RBPJ: variants seen among roughly 807,000 people sequenced by gnomAD.
RBPJ encodes recombining binding protein suppressor of hairless.
Under a neutral mutation model 67.8 loss-of-function variants are expected in RBPJ, and 9 were observed. The ratio of observed to expected loss-of-function variants is 0.13; its 90% CI spans 0.08 to 0.23. RBPJ has a LOEUF of 0.23. RBPJ is among the 10% of genes least tolerant of loss of function. RBPJ has a pLI of 1.00. For missense variants in RBPJ, 305 were observed against 595.6 expected, an observed-to-expected ratio of 0.51 and a Z score of 5.08; for synonymous variants, 198 against 203.3, an observed-to-expected ratio of 0.97 and a Z score of 0.22.
intron 1 of RBPJ, among the ~76,000 whole-genome samples, chr4:26,208,333 T>C (rs1029180922): frequency 6.6e-6 from 1 of 152,170 alleles, no homozygotes; most frequent in African/African-American, 2.4e-5. Context: ...ACGCAGATCA[T>C]GCAAACCTAA....
chr4:26,385,922 C>G (rs904481033), intron 1 of RBPJ, among the ~76,000 whole-genome samples: 3 of 152,034 alleles, frequency 2.0e-5, no homozygotes, highest in African/African-American at 7.2e-5. Flanking sequence ...CCCACTTCAG[C>G]CTCCTGAGTA....
At chr4:26,224,657 CCA>C (rs141178821) in intron 1 of RBPJ, among the ~76,000 whole-genome samples, 6,433 of 152,194 alleles carry the variant, frequency 0.042, 191 homozygotes, top group Admixed American at 0.096. Flanking sequence ...CGCACCCTGC[CCA>C]GAACAGAACA....
At chr4:26,242,346 G>A (rs1228079675) in intron 1 of RBPJ, among the ~76,000 whole-genome samples, 1 of 151,908 alleles carries the variant, frequency 6.6e-6, no homozygotes, top group East Asian at 1.9e-4. Context: ...TACTCGGGAG[G>A]CTGAGGCGGA....
chr4:26,320,471 G>C, upstream of RBPJ: 1 of 411,222 alleles, frequency 2.4e-6, no homozygotes, highest in Non-Finnish European at 4.4e-6. Flanking sequence ...TGCACCAAAC[G>C]CCGAGATTAG....
intron 1 of RBPJ, among the ~76,000 whole-genome samples, chr4:26,186,924 AAAATACAC>A (rs1717286089): frequency 6.6e-6 from 1 of 152,152 alleles, no homozygotes. Context: ...CCCATTTTAA[AAAATACAC>A]AAACAAGGCC....
chr4:26,200,830 G>C (rs147803074), intron 1 of RBPJ, among the ~76,000 whole-genome samples: 2 of 152,086 alleles, frequency 1.3e-5, no homozygotes, highest in Non-Finnish European at 2.9e-5. Flanking sequence ...CTTGTCTCTG[G>C]CTATCTAGTT....
At chr4:26,192,113 A>T (rs1346401510) in intron 1 of RBPJ, among the ~76,000 whole-genome samples, 1 of 151,166 alleles carries the variant, frequency 6.6e-6, no homozygotes, top group Non-Finnish European at 1.5e-5. Flanking sequence ...GGTTCAAGTG[A>T]TTCTCCTACC....
At chr4:26,420,295 GT>G (rs1560341702) in intron 4 of RBPJ, among the ~76,000 whole-genome samples, 1 of 151,926 alleles carries the variant, frequency 6.6e-6, no homozygotes. Flanking sequence ...AGAAAAGGCT[GT>G]TTTTTTAAAT....
At chr4:26,379,099 A>C (rs1560307272) in intron 1 of RBPJ, among the ~76,000 whole-genome samples, 1 of 152,180 alleles carries the variant, frequency 6.6e-6, no homozygotes, top group East Asian at 1.9e-4. Flanking sequence ...AAATATAATG[A>C]GAAGGAAGTA....
Position 26,406,179 on chromosome 4 carries a change from G to A in RBPJ, c.64G>A (p.Ala22Thr). ...RPPPKRLTRE[A>T]MRNYLKERGD... ...AATATTTGTATTTGTTTTTAGGGAA[G>A]CTATGCGAAATTATTTAAAAGAGCG... Residue 22 changes from alanine (A) to threonine (T), a missense_variant, in exon 3 of 11, where the codon GCT becomes ACT. Ala to Thr is a moderately conservative substitution (Grantham distance 58). This residue lies in a region of RBPJ where 42 missense variants were observed against 43.6 expected (regional missense o/e 0.96). Coordinates refer to ENST00000355476, the MANE Select transcript of RBPJ (RefSeq NM_015874.6). 1 of 1,604,532 alleles carries A rather than the reference G, an allele frequency of 6.2e-7. No individual in the cohort carries two copies. The highest frequency in any genetic ancestry group is 8.5e-7 in the Non-Finnish European group (1 of 1,171,854).
At chr4:26,238,150 C>T (rs2109214388) in intron 1 of RBPJ, among the ~76,000 whole-genome samples, 1 of 152,328 alleles carries the variant, frequency 6.6e-6, no homozygotes, top group South Asian at 2.1e-4. Flanking sequence ...CAGCATCGAC[C>T]TCCCAGCCTC....
chr4:26,424,944 T>C lies in RBPJ; in HGVS notation c.747+201T>C. 2.2e-6 allele frequency: 1 copy of C among 461,258 alleles called. No homozygotes were observed. Among genetic ancestry groups the C allele is most frequent in the Non-Finnish European group, 3.8e-6 (1 of 263,654 alleles). The allele number at this position is 461,258 out of a possible 1,614,324, so 28.6% of individuals were successfully genotyped here. ...AAATGCTTTAAGGTAATAGCCAGTT[T>C]TTACAAGTACATTCTTAATGATTTT... On this transcript the variant is annotated intron_variant, in intron 7 of 10. Transcript: ENST00000355476. The surrounding 1 kb of genome is among the most constrained non-coding windows in gnomAD (Gnocchi z 5.3).
chr4:26,134,254 A>T, the RBPJ span, among the ~76,000 whole-genome samples: 1 of 152,174 alleles, frequency 6.6e-6, no homozygotes. Context: ...ACGCCTTTTC[A>T]CAACTTAGCC....
At chr4:26,142,448 T>C in the RBPJ span, among the ~76,000 whole-genome samples, 2 of 152,094 alleles carry the variant, frequency 1.3e-5, no homozygotes, top group African/African-American at 2.4e-5. Flanking sequence ...GGGCAGCTGG[T>C]GAGAGGAAGG....
At chr4:26,175,023 A>G (rs1018998919) in intron 1 of RBPJ, among the ~76,000 whole-genome samples, 6 of 152,226 alleles carry the variant, frequency 3.9e-5, no homozygotes, top group Non-Finnish European at 5.9e-5. Context: ...AATGCAGCCT[A>G]TGATGGCCCC....
At chr4:26,182,116 C>G (rs896987868) in intron 1 of RBPJ, among the ~76,000 whole-genome samples, 3 of 152,150 alleles carry the variant, frequency 2.0e-5, no homozygotes, top group Non-Finnish European at 4.4e-5. Flanking sequence ...GCCGAGGCAG[C>G]CGGATCATGA....
chr4:26,216,624 G>A (rs938201472), intron 1 of RBPJ, among the ~76,000 whole-genome samples: 21 of 152,044 alleles, frequency 1.4e-4, no homozygotes, highest in Non-Finnish European at 2.9e-4. Flanking sequence ...TTAAATAGGG[G>A]AGGATTGAGG....
the RBPJ span, among the ~76,000 whole-genome samples, chr4:26,150,763 C>T: frequency 2.0e-5 from 3 of 152,144 alleles, no homozygotes; most frequent in East Asian, 1.9e-4. Context: ...GCACATACCC[C>T]GGTCTCATGG....
chr4:26,190,862 G>A (rs939495271), intron 1 of RBPJ, among the ~76,000 whole-genome samples: 2 of 151,986 alleles, frequency 1.3e-5, no homozygotes, highest in African/African-American at 4.8e-5. Flanking sequence ...AATGTATAGT[G>A]TGGCCAGGCA....
Sources: allele counts gnomAD v4.1 joint callset (sites outside exome capture counted in the v4.1 genomes callset), GRCh38; gene constraint gnomAD v4.1.1; regional missense constraint gnomAD v4.1.1; non-coding constraint Gnocchi (gnomAD v3.1); transcripts MANE v1.5; gene names NCBI Gene and HGNC (gene_info 2026-07-23, HGNC 2026-07-21).